Variants in ZNF385D observed in about 807,000 individuals in gnomAD.
ZNF385D encodes zinc finger protein 659.
A neutral mutation model predicts 35.8 loss-of-function variants in ZNF385D; 15 were observed. The observed-to-expected ratio is 0.42, with a 90% CI of 0.28 to 0.64. ZNF385D has a LOEUF of 0.64. Among genes scored for constraint, ZNF385D ranks in the 30% least tolerant of loss-of-function variants. ZNF385D has a pLI of 0.23. For synonymous variants in ZNF385D, 212 were observed against 186.8 expected (o/e 1.13, Z -1.10); for missense variants, 474 against 494.6 (o/e 0.96, Z 0.39).
At chr3:22,200,132 G>A (rs1202306335) in intron 2 of ZNF385D, among the ~76,000 whole-genome samples, 2 of 152,056 alleles carry the variant, frequency 1.3e-5, no homozygotes, top group African/African-American at 4.8e-5. Flanking sequence ...ACAACACAGG[G>A]CCATAGGATA....
chr3:21,863,326 G>A (rs369335229), intron 3 of ZNF385D, among the ~76,000 whole-genome samples: 9 of 152,100 alleles, frequency 5.9e-5, no homozygotes, highest in African/African-American at 2.2e-4. Context: ...AAAAATAAGT[G>A]TAAGCATTTC....
chr3:22,080,514 T>C (rs533858583), intron 3 of ZNF385D, among the ~76,000 whole-genome samples: 113 of 152,098 alleles, frequency 7.4e-4, no homozygotes, highest in Admixed American at 1.3e-3. Flanking sequence ...AAGCGGCCAC[T>C]CAGTATATAA....
At chr3:22,240,887 C>A (rs945520503) in intron 2 of ZNF385D, among the ~76,000 whole-genome samples, 15 of 150,934 alleles carry the variant, frequency 9.9e-5, no homozygotes, top group Non-Finnish European at 5.9e-5. Flanking sequence ...GTCTGTACTA[C>A]CTTCATATTA....
Position 21,670,599 on chromosome 3 carries a change from G to T in ZNF385D, c.23-5571C>A, listed in dbSNP as rs184513782. Among the ~76,000 whole-genome samples, 660 of 119,064 alleles carry T rather than the reference G, an allele frequency of 5.5e-3. 7 individuals are homozygous for T. Among genetic ancestry groups the T allele is most frequent in the Non-Finnish European group, 6.5e-3 (380 of 58,622 alleles). 78.1% of individuals were successfully genotyped at this position (119,064 alleles called of 152,430 possible). A position where few individuals can be genotyped will look rare whatever the true frequency, so the allele number is the denominator to read the frequency against. On this transcript the variant is annotated intron_variant, in intron 1 of 7. Transcript: ENST00000281523. Reference sequence around the variant, plus strand: ...GATCTGATCCTACTAATAAGAAGTCGAAAATAAATAACGGCATAAATGCTG... The same window carrying T: ...GATCTGATCCTACTAATAAGAAGTCTAAAATAAATAACGGCATAAATGCTG...
At chr3:21,443,782 C>T (rs998791035) in intron 4 of ZNF385D, among the ~76,000 whole-genome samples, 2 of 152,008 alleles carry the variant, frequency 1.3e-5, no homozygotes, top group Admixed American at 6.5e-5. Context: ...TCTACCTTTA[C>T]ATTATTTGAA....
intron 3 of ZNF385D, among the ~76,000 whole-genome samples, chr3:22,058,080 G>C (rs1157474036): frequency 1.3e-5 from 2 of 152,174 alleles, no homozygotes; most frequent in Non-Finnish European, 2.9e-5. Flanking sequence ...CTTCTAGGCT[G>C]TGCTACACAA....
intron 3 of ZNF385D, among the ~76,000 whole-genome samples, chr3:21,958,629 C>A (rs1702413390): frequency 6.6e-6 from 1 of 152,026 alleles, no homozygotes; most frequent in Admixed American, 6.6e-5. Flanking sequence ...GTAATATAAT[C>A]CCAGGGTAGA....
intron 3 of ZNF385D, among the ~76,000 whole-genome samples, chr3:21,937,410 C>G (rs1036184357): frequency 2.6e-5 from 4 of 152,102 alleles, no homozygotes; most frequent in African/African-American, 9.7e-5. Context: ...TAATTGAGTT[C>G]ACCTACAGAC....
At chr3:22,188,090 A>C (rs894632265) in intron 2 of ZNF385D, among the ~76,000 whole-genome samples, 9 of 152,200 alleles carry the variant, frequency 5.9e-5, no homozygotes, top group Admixed American at 2.6e-4. Context: ...ATCACGGAGG[A>C]AAGATGGGAA....
intron 2 of ZNF385D, among the ~76,000 whole-genome samples, chr3:22,275,608 C>T (rs1701386818): frequency 6.6e-6 from 1 of 152,084 alleles, no homozygotes; most frequent in African/African-American, 2.4e-5. Flanking sequence ...CTAAAAGAAT[C>T]ATATTTCAAT....
At chr3:22,060,227 G>T (rs1026948542) in intron 3 of ZNF385D, among the ~76,000 whole-genome samples, 4 of 152,128 alleles carry the variant, frequency 2.6e-5, no homozygotes, top group African/African-American at 9.7e-5. Context: ...GATCTTGTCA[G>T]CCTTCATAAT....
At chr3:21,943,978 T>G (rs995445728) in intron 3 of ZNF385D, among the ~76,000 whole-genome samples, 1 of 152,302 alleles carries the variant, frequency 6.6e-6, no homozygotes. Context: ...CAAAACCTAG[T>G]GAACCATGGA....
intron 2 of ZNF385D, among the ~76,000 whole-genome samples, chr3:21,605,451 G>A (rs924517149): frequency 3.3e-5 from 5 of 152,170 alleles, no homozygotes; most frequent in Non-Finnish European, 5.9e-5. Flanking sequence ...CTGACCACAC[G>A]CAGGACCTCG....
At chr3:21,699,833 T>TC (rs1383558559) in intron 1 of ZNF385D, among the ~76,000 whole-genome samples, 1 of 138,296 alleles carries the variant, frequency 7.2e-6, no homozygotes, top group Non-Finnish European at 1.5e-5. Context: ...CTTTTTTTTT[T>TC]TTTTTTTTTT....
In ZNF385D at chr3:22,100,117, T is replaced by G. The variant is rs1050970294; in HGVS notation, c.325+68700A>C. 2.8e-5 allele frequency among the ~76,000 whole-genome samples: 4 copies of G among 144,558 alleles called. No homozygotes were observed. The East Asian group carries it at 7.9e-4, about 29-fold the overall frequency. 94.8% of individuals were successfully genotyped at this position (144,558 alleles called of 152,430 possible). ...TCACTGGCCATCAGAGAAATGTAAATCAAAACCACAATGAGATATCATCTC... is the reference window on the plus strand; with the variant it reads ...TCACTGGCCATCAGAGAAATGTAAAGCAAAACCACAATGAGATATCATCTC... On this transcript the variant is annotated intron_variant, in intron 3 of 5. Coordinates refer to the ZNF385D transcript ENST00000494108.
intron 3 of ZNF385D, among the ~76,000 whole-genome samples, chr3:21,953,863 T>C (rs1462398283): frequency 6.6e-6 from 1 of 152,018 alleles, no homozygotes; most frequent in Non-Finnish European, 1.5e-5. Flanking sequence ...CTCACTCACG[T>C]ATACACACAC....
At chr3:21,882,925 G>A (rs1045873089) in intron 3 of ZNF385D, among the ~76,000 whole-genome samples, 3 of 151,890 alleles carry the variant, frequency 2.0e-5, no homozygotes, top group African/African-American at 7.2e-5. Context: ...AGATGATTAT[G>A]CTAATAGTAA....
chr3:21,503,104 A>T (rs769417830), intron 4 of ZNF385D, among the ~76,000 whole-genome samples: 1 of 152,164 alleles, frequency 6.6e-6, no homozygotes, highest in Non-Finnish European at 1.5e-5. Flanking sequence ...TTGCCTCATA[A>T]ACTTCAACAG....
intron 3 of ZNF385D, among the ~76,000 whole-genome samples, chr3:21,801,949 T>A (rs1209408965): frequency 6.6e-6 from 1 of 152,116 alleles, no homozygotes; most frequent in Non-Finnish European, 1.5e-5. Flanking sequence ...GCCATGGGTG[T>A]TTTTTCCTGC....
Sources: gnomAD v4.1 joint callset for allele counts (sites outside exome capture counted in the v4.1 genomes callset) on GRCh38, gnomAD v4.1.1 for gene constraint, MANE v1.5 for transcripts, NCBI Gene and HGNC (gene_info 2026-07-23, HGNC 2026-07-21) for gene names.